Variants in COP1 observed in about 807,000 individuals in gnomAD.
The protein encoded by COP1 is E3 ubiquitin-protein ligase COP1.
A neutral mutation model predicts 101.3 loss-of-function variants in COP1; 24 were observed. The ratio of observed to expected loss-of-function variants is 0.24; its 90% CI spans 0.17 to 0.33. The LOEUF (loss-of-function observed/expected upper bound fraction) is 0.33. Ranked by LOEUF, COP1 falls within the 10% of genes least tolerant of loss-of-function variation. The pLI is 1.00. For missense variants in COP1, 663 were observed against 906.2 expected, an observed-to-expected ratio of 0.73 and a Z score of 3.45; for synonymous variants, 347 against 341.9, an observed-to-expected ratio of 1.01 and a Z score of -0.17.
At chr1:176,071,638 AAAGTCTT>A (rs1469527802) in intron 11 of COP1, among the ~76,000 whole-genome samples, 1 of 152,200 alleles carries the variant, frequency 6.6e-6, no homozygotes, top group African/African-American at 2.4e-5. Context: ...TTGGTTTTAA[AAAGTCTT>A]AAGAATGTAT....
At chr1:176,201,039 T>C (rs1439629403) in intron 1 of COP1, among the ~76,000 whole-genome samples, 1 of 152,092 alleles carries the variant, frequency 6.6e-6, no homozygotes, top group African/African-American at 2.4e-5. Context: ...AATCTGAAAA[T>C]CTGAAATCCA....
rs143056959 is a variant in COP1 at position 176,148,029 on chromosome 1, C to G, written c.831+977G>C. On this transcript the variant is annotated intron_variant, in intron 6 of 19. Transcript: ENST00000367669. ...GCACATTGCCATTTATATTGCACCA[C>G]CAGACATTTAAACAAATGAATGACT... 4.6e-3 allele frequency among the ~76,000 whole-genome samples: 699 copies of G among 152,114 alleles called. 7 individuals are homozygous for G. The highest frequency in any genetic ancestry group is 0.015 in the African/African-American group (607 of 41,488).
chr1:176,005,041 G>A (rs914861914), intron 15 of COP1, among the ~76,000 whole-genome samples: 3 of 152,122 alleles, frequency 2.0e-5, no homozygotes, highest in African/African-American at 7.2e-5. Context: ...CCTGTTATTG[G>A]TCTACTCAGA....
At chr1:176,182,396 T>C (rs1188971982) in intron 2 of COP1, among the ~76,000 whole-genome samples, 1 of 152,156 alleles carries the variant, frequency 6.6e-6, no homozygotes, top group Admixed American at 6.5e-5. Flanking sequence ...GATGAGTACT[T>C]CTCAAGGGAG....
intron 12 of COP1, among the ~76,000 whole-genome samples, chr1:176,044,384 TACA>T (rs1361346802): frequency 3.9e-5 from 6 of 152,248 alleles, no homozygotes; most frequent in African/African-American, 1.4e-4. Flanking sequence ...TCCAGAAGTC[TACA>T]ACATCTAAAA....
intron 11 of COP1, among the ~76,000 whole-genome samples, chr1:176,057,570 C>A (rs899087683): frequency 2.0e-5 from 3 of 152,208 alleles, no homozygotes; most frequent in Admixed American, 1.3e-4. Flanking sequence ...CTCCTAACCG[C>A]GAGTGATCCG....
At chr1:176,009,830 A>G (rs1254807382) in intron 15 of COP1, among the ~76,000 whole-genome samples, 2 of 139,130 alleles carry the variant, frequency 1.4e-5, no homozygotes, top group Non-Finnish European at 3.0e-5. Context: ...ACATTTTTAT[A>G]TATATTGTAA....
At chr1:176,019,880 G>A (rs1025263500) in intron 15 of COP1, among the ~76,000 whole-genome samples, 2 of 151,780 alleles carry the variant, frequency 1.3e-5, no homozygotes, top group African/African-American at 4.8e-5. Context: ...AATCACTAAC[G>A]GCGTTACAGG....
In COP1 at chr1:175,988,403, G is replaced by A. The variant is rs752870248; in HGVS notation, c.1857C>T (p.Asp619=). ...CTACATTCCACAGTTTTAGCTGACT[G>A]TCTGTTGAGCTGAGGAAAAGTACAA... ...SGEEIVSAST[D]SQLKLWNVGK... Residue 619 remains aspartate (D), a synonymous_variant, in exon 17 of 20, where the codon GAC becomes GAT. Transcript: ENST00000367669. 1 of 1,600,750 alleles carries A rather than the reference G, an allele frequency of 6.2e-7. No homozygotes were observed. The highest frequency in any genetic ancestry group is 8.5e-7 in the Non-Finnish European group (1 of 1,171,384).
chr1:176,044,791 G>A (rs1671216399), intron 12 of COP1, among the ~76,000 whole-genome samples: 1 of 152,136 alleles, frequency 6.6e-6, no homozygotes, highest in African/African-American at 2.4e-5. Context: ...ACAGCTTTCA[G>A]CCTTGAGCGC....
Position 175,983,148 on chromosome 1 carries a change from C to G in COP1, c.2133+3795G>C, listed in dbSNP as rs369463611. Among the ~76,000 whole-genome samples the G allele has an allele frequency of 2.7e-3, 400 of 147,110 alleles. 3 individuals carry two copies. The highest frequency in any genetic ancestry group is 9.4e-3 in the African/African-American group (382 of 40,444). The stretch of plus-strand genomic sequence containing the variant: ...CCACATTGTACCCCATAAATACTTA[C>G]AATTATTATTTGTCGAAAAGAAAAG... On this transcript the variant is annotated intron_variant, in intron 18 of 19. Coordinates refer to ENST00000367669, the MANE Select transcript of COP1 (RefSeq NM_022457.7).
intron 6 of COP1, among the ~76,000 whole-genome samples, chr1:176,138,980 T>A (rs2149757745): frequency 6.6e-6 from 1 of 152,152 alleles, no homozygotes; most frequent in South Asian, 2.1e-4. Context: ...ATATAAGAGG[T>A]CTTTAGAATA....
chr1:176,137,736 TA>T (rs1337484787), intron 6 of COP1, among the ~76,000 whole-genome samples: 1 of 152,186 alleles, frequency 6.6e-6, no homozygotes, highest in Non-Finnish European at 1.5e-5. Context: ...CTCATTTCTT[TA>T]ATAACTGATA....
chr1:175,975,294 TTAGTTACATTAGATGTGTGAGTTTGGA>T (rs1654257550), intron 18 of COP1, among the ~76,000 whole-genome samples: 1 of 152,158 alleles, frequency 6.6e-6, no homozygotes, highest in East Asian at 1.9e-4. Flanking sequence ...CCCACCACCA[TTAGTTACATTAGATGTGTGAGTTTGGA>T]GTTAATATGG....
intron 5 of COP1, among the ~76,000 whole-genome samples, chr1:176,151,034 C>G (rs1572538542): frequency 1.3e-5 from 2 of 151,986 alleles, no homozygotes; most frequent in Non-Finnish European, 2.9e-5. Flanking sequence ...ACCAAAATGT[C>G]TAGCCATATA....
At chr1:176,166,031 A>G (rs1236470064) in intron 3 of COP1, among the ~76,000 whole-genome samples, 1 of 152,210 alleles carries the variant, frequency 6.6e-6, no homozygotes, top group Non-Finnish European at 1.5e-5. Flanking sequence ...AATCTTATAT[A>G]CCATTATATT....
chr1:176,188,768 C>T (rs1698771472), intron 1 of COP1, among the ~76,000 whole-genome samples: 1 of 151,908 alleles, frequency 6.6e-6, no homozygotes, highest in South Asian at 2.1e-4. Flanking sequence ...CACCAACCTG[C>T]TATTTCCCCC....
chr1:176,197,250 T>C (rs529408945), intron 1 of COP1, among the ~76,000 whole-genome samples: 58 of 152,158 alleles, frequency 3.8e-4, no homozygotes, highest in Non-Finnish European at 7.2e-4. Context: ...TCATCTCTAT[T>C]AAAAACTTAT....
chr1:176,102,500 T>A lies in COP1; in HGVS notation c.1026+14124A>T, dbSNP rs1683587808. ...CTAAGACAGTGAAAGAGATCTGACC[T>A]AAACAAACCATCTTGCTTCTAACCT... On this transcript the variant is annotated intron_variant, in intron 9 of 19. Transcript: ENST00000367669. Among the ~76,000 whole-genome samples the A allele has an allele frequency of 2.6e-5, 4 of 152,276 alleles. No individual in the cohort carries two copies. The South Asian group carries it at 8.3e-4, about 32-fold the overall frequency.
Sources: gnomAD v4.1 joint callset for allele counts (sites outside exome capture counted in the v4.1 genomes callset) on GRCh38, gnomAD v4.1.1 for gene constraint, MANE v1.5 for transcripts, NCBI Gene and HGNC (gene_info 2026-07-23, HGNC 2026-07-21) for gene names.